Variants in LDLRAD4 observed in about 807,000 individuals in gnomAD.
The protein encoded by LDLRAD4 is low density lipoprotein receptor class A domain containing 4.
LDLRAD4 carries 5 observed loss-of-function variants against 17.0 expected under a neutral mutation model. The ratio of observed to expected loss-of-function variants is 0.29; its 90% CI spans 0.15 to 0.62. LDLRAD4 has a LOEUF of 0.62. Ranked by LOEUF, LDLRAD4 falls within the 20% of genes least tolerant of loss-of-function variation. LDLRAD4 has a pLI of 0.84. For synonymous variants in LDLRAD4, 168 were observed against 171.8 expected, an observed-to-expected ratio of 0.98 and a Z score of 0.17; for missense variants, 340 against 424.7, an observed-to-expected ratio of 0.80 and a Z score of 1.75.
chr18:13,373,155 ATGTGTGTG>A (rs35632499), intron 1 of LDLRAD4, among the ~76,000 whole-genome samples: 9 of 149,558 alleles, frequency 6.0e-5, no homozygotes, highest in South Asian at 4.3e-4. Flanking sequence ...CAACTGTTTA[ATGTGTGTG>A]TGTGTGTGTG....
intron 3 of LDLRAD4, among the ~76,000 whole-genome samples, chr18:13,518,695 A>G (rs114251249): frequency 0.012 from 1,874 of 152,288 alleles, 39 homozygotes; most frequent in African/African-American, 0.043. Flanking sequence ...GGGGTCCATG[A>G]ATTTATACCC....
chr18:13,222,565 G>T (rs942173120), intron 1 of LDLRAD4, among the ~76,000 whole-genome samples: 1 of 152,236 alleles, frequency 6.6e-6, no homozygotes, highest in African/African-American at 2.4e-5. Context: ...GCACTCTGCA[G>T]CCGGCGGCCG....
chr18:13,624,833 C>T (rs2040984585), intron 4 of LDLRAD4, among the ~76,000 whole-genome samples: 1 of 152,236 alleles, frequency 6.6e-6, no homozygotes, highest in Admixed American at 6.5e-5. Flanking sequence ...CCTCTGTCTC[C>T]TGGGCTCCCT....
intron 1 of LDLRAD4, among the ~76,000 whole-genome samples, chr18:13,325,667 G>A (rs771705312): frequency 6.6e-6 from 1 of 152,118 alleles, no homozygotes; most frequent in African/African-American, 2.4e-5. Context: ...GCTTCGCTGC[G>A]CACCCGCCCG....
intron 3 of LDLRAD4, among the ~76,000 whole-genome samples, chr18:13,553,882 T>A (rs977749801): frequency 1.3e-5 from 2 of 152,154 alleles, no homozygotes; most frequent in African/African-American, 4.8e-5. Context: ...CAACTGCCCC[T>A]TTTGTCAGGT....
rs367571092 is a variant in LDLRAD4, at chr18:13,450,337, C to CCCCCCCCCA, written c.181+11953_181+11954insCCCCCCCCA. ...GCTTCTCTCCCCCCACCCCCCCCCCCAAAAAAACACACAAGATCCCAAGAC... is the reference window on the plus strand; with the variant it reads ...GCTTCTCTCCCCCCACCCCCCCCCCCCCCCCCCCAAAAAAAACACACAAGATCCCAAGAC... On this transcript the variant is annotated intron_variant, in intron 3 of 5. Transcript: ENST00000359446. 1.4e-4 allele frequency among the ~76,000 whole-genome samples: 16 copies of CCCCCCCCCA among 115,486 alleles called. 1 individual carries two copies. The highest frequency in any genetic ancestry group is 2.9e-4 in the South Asian group (1 of 3,494). The allele number at this position is 115,486 out of a possible 152,430, so 75.8% of individuals were successfully genotyped here. A position where few individuals can be genotyped will look rare whatever the true frequency, so the allele number is the denominator to read the frequency against.
At chr18:13,448,927 T>C (rs1310745324) in intron 3 of LDLRAD4, among the ~76,000 whole-genome samples, 1 of 152,176 alleles carries the variant, frequency 6.6e-6, no homozygotes, top group East Asian at 1.9e-4. Context: ...GGCTGGTGCC[T>C]CTTTCAGTCA....
At chr18:13,298,621 G>T (rs1399527150) in intron 1 of LDLRAD4, among the ~76,000 whole-genome samples, 3 of 151,920 alleles carry the variant, frequency 2.0e-5, no homozygotes, top group African/African-American at 4.8e-5. Context: ...TGATGGAGCT[G>T]CTCTGGGCAT....
upstream of LDLRAD4, among the ~76,000 whole-genome samples, chr18:13,274,317 C>G (rs1168882028): frequency 3.9e-5 from 6 of 152,208 alleles, no homozygotes; most frequent in African/African-American, 9.7e-5. Flanking sequence ...AGCCGTTGAT[C>G]TCTTGGCTGG....
intron 3 of LDLRAD4, among the ~76,000 whole-genome samples, chr18:13,448,111 A>G (rs761220674): frequency 7.2e-5 from 11 of 152,184 alleles, no homozygotes. Context: ...TAGGATGATA[A>G]CACTATTGAT....
intron 3 of LDLRAD4, chr18:13,522,041 T>C (rs1233935448): frequency 6.6e-6 from 1 of 151,966 alleles, no homozygotes; most frequent in African/African-American, 2.4e-5. Flanking sequence ...TAACAAATGC[T>C]ACTTGTTGAA....
In LDLRAD4 at chr18:13,398,685, C is replaced by G. The variant is rs749961021; in HGVS notation, c.40+10923C>G. Among the ~76,000 whole-genome samples the G allele has an allele frequency of 3.3e-5, 5 of 152,022 alleles. No individual in the cohort carries two copies. Among genetic ancestry groups the G allele is most frequent in the Non-Finnish European group, 5.9e-5 (4 of 68,006 alleles). On this transcript the variant is annotated intron_variant, in intron 2 of 5. Transcript: ENST00000359446. This position sits in a 1 kb window ranked among gnomAD's most constrained non-coding sequence, Gnocchi z 4.8. ...CAATGCTCTGTTGATGTGGGTTTGGCGCTCACAGAGAGGATAGGCAGTGTG... is the reference window on the plus strand; with the variant it reads ...CAATGCTCTGTTGATGTGGGTTTGGGGCTCACAGAGAGGATAGGCAGTGTG...
At chr18:13,578,825 G>GTTTTTTT (rs1286958694) in intron 3 of LDLRAD4, among the ~76,000 whole-genome samples, 38 of 49,860 alleles carry the variant, frequency 7.6e-4, no homozygotes, top group Non-Finnish European at 9.3e-4. Context: ...AGTTGTCCGG[G>GTTTTTTT]TCTTTTTTTT....
At chr18:13,308,799 GT>G (rs1157694033) in intron 1 of LDLRAD4, among the ~76,000 whole-genome samples, 1 of 152,206 alleles carries the variant, frequency 6.6e-6, no homozygotes. Context: ...CTGTTTCCAA[GT>G]TTTTGTTATT....
chr18:13,245,611 GC>G (rs2042918102), intron 1 of LDLRAD4, among the ~76,000 whole-genome samples: 1 of 152,216 alleles, frequency 6.6e-6, no homozygotes, highest in East Asian at 1.9e-4. Context: ...TCTCACTATG[GC>G]CCATGTATCC....
intron 3 of LDLRAD4, among the ~76,000 whole-genome samples, chr18:13,525,080 C>T (rs1455706712): frequency 2.6e-5 from 4 of 152,164 alleles, no homozygotes; most frequent in Non-Finnish European, 4.4e-5. Context: ...CACAGACACA[C>T]GCGTACTCAG....
At chr18:13,342,145 G>T (rs79991684) in intron 1 of LDLRAD4, among the ~76,000 whole-genome samples, 1 of 152,030 alleles carries the variant, frequency 6.6e-6, no homozygotes, top group Non-Finnish European at 1.5e-5. Context: ...CTAGTATTTA[G>T]TTGGGGATTT....
intron 1 of LDLRAD4, among the ~76,000 whole-genome samples, chr18:13,331,122 A>G (rs1400494326): frequency 6.6e-6 from 1 of 152,236 alleles, no homozygotes; most frequent in Admixed American, 6.5e-5. Flanking sequence ...GTTAAACCCA[A>G]GAAGGGGGAT....
At chr18:13,576,357 G>A (rs141437499) in intron 3 of LDLRAD4, among the ~76,000 whole-genome samples, 1,790 of 150,108 alleles carry the variant, frequency 0.012, 27 homozygotes, top group African/African-American at 0.039. Context: ...GGGAGGTGGA[G>A]CTTGCAGTGA....
Sources: allele counts gnomAD v4.1 joint callset (sites outside exome capture counted in the v4.1 genomes callset), GRCh38; gene constraint gnomAD v4.1.1; non-coding constraint Gnocchi (gnomAD v3.1); transcripts MANE v1.5; gene names NCBI Gene and HGNC (gene_info 2026-07-23, HGNC 2026-07-21).